The following RPAP1 variants were observed in gnomAD, a reference collection of about 807,000 sequenced individuals.
RPAP1 encodes RNA polymerase II associated protein 1.
In RPAP1, 109 loss-of-function variants were observed where a neutral mutation model predicts 142.4. That is an observed-to-expected ratio of 0.77 (90% CI 0.66 to 0.90). The LOEUF is 0.90. Ranked by LOEUF, RPAP1 falls within the 40% of genes least tolerant of loss-of-function variation. The probability of loss-of-function intolerance (pLI) is 0.00; values close to 1 mark genes in which losing one functional copy is unlikely to be tolerated. For missense variants in RPAP1, 1,546 were observed against 1,751.7 expected (o/e 0.88, Z 2.10); for synonymous variants, 704 against 738.9 (o/e 0.95, Z 0.77).
intron 14 of RPAP1, among the ~76,000 whole-genome samples, chr15:41,525,654 T>A (rs959723951): frequency 1.4e-5 from 2 of 147,712 alleles, no homozygotes; most frequent in Admixed American, 6.8e-5. Context: ...TTTTTTTATT[T>A]TTATTATTAT....
chr15:41,536,673 G>A (rs751355152), intron 2 of RPAP1, 24 bp from the exon 3 acceptor site: 15 of 1,610,756 alleles, frequency 9.3e-6, no homozygotes, highest in Admixed American at 3.3e-5. Context: ...GATCCCAAAC[G>A]TGAGTATATG....
intron 22 of RPAP1, chr15:41,519,797 C>T (rs1228244082): frequency 6.5e-6 from 1 of 153,906 alleles, no homozygotes; most frequent in Admixed American, 6.4e-5. Flanking sequence ...CTGATACCAC[C>T]TAGCATCTGA....
In RPAP1 at chr15:41,528,029, T is replaced by C. The variant is rs749744326; in HGVS notation, c.1261-2A>G. On this transcript the variant is annotated splice_acceptor_variant, in intron 10 of 24. Transcript: ENST00000304330. LOFTEE classifies it high-confidence loss of function. ...GTCCCCAAACTCACCAGCCTGGGCC[T>C]GAGGGCAGGAGGGTAAAACCTTGCT... 6.2e-7 allele frequency: 1 copy of C among 1,613,598 alleles called. No individual in the cohort carries two copies. Among genetic ancestry groups the C allele is most frequent in the South Asian group, 1.1e-5 (1 of 90,980 alleles).
At chr15:41,529,347 G>A (rs1166441439) in intron 9 of RPAP1, 123 bp downstream of exon 9, 1 of 661,108 alleles carries the variant, frequency 1.5e-6, no homozygotes, top group African/African-American at 1.8e-5. Context: ...AAAAGAAACT[G>A]AATGCACAGC....
intron 6 of RPAP1, among the ~76,000 whole-genome samples, chr15:41,533,589 T>C (rs1044087991): frequency 6.6e-6 from 1 of 151,948 alleles, no homozygotes; most frequent in East Asian, 1.9e-4. Flanking sequence ...ATCCCAGCAC[T>C]TTGGGAGGCA....
chr15:41,526,848 C>T (rs1555393482), intron 14 of RPAP1, 50 bp downstream of exon 14: 1 of 1,536,882 alleles, frequency 6.5e-7, no homozygotes. Context: ...AGCTCCCAAC[C>T]CAACCCTGTC....
chr15:41,523,419 C>A, intron 17 of RPAP1, 65 bp from the exon 18 acceptor site: 1 of 1,062,716 alleles, frequency 9.4e-7, no homozygotes, highest in South Asian at 1.5e-5. Flanking sequence ...CCCTGTGTAC[C>A]CAGGCCAATG....
In RPAP1 at chr15:41,522,205, G is replaced by A. The variant is rs374429870; in HGVS notation, c.2788C>T (p.Gln930Ter). The A allele has an allele frequency of 6.2e-7, 1 of 1,614,116 alleles. No homozygotes were observed. The highest frequency in any genetic ancestry group is 1.1e-5 in the South Asian group (1 of 91,076). Residue 930 changes from glutamine (Q) to a stop codon, truncating the protein, a stop_gained, in exon 20 of 25, where the codon CAG becomes TAG. Transcript: ENST00000304330. LOFTEE classifies it high-confidence loss of function. ...GGGGCAGCCCCAGGAGCCACACACT[G>A]GAGGAAGTAATTCTGGAGTCCCGGG... The part of the protein sequence containing the change: ...AAPGLQNYFL[Q>*]CVAPGAAPHL...
chr15:41,521,220 A>G (rs1456392020), intron 21 of RPAP1, 73 bp from the exon 22 acceptor site: 15 of 1,448,262 alleles, frequency 1.0e-5, no homozygotes, highest in Non-Finnish European at 1.4e-5. Context: ...GCTCTTTGGA[A>G]CTTCCTGGAG....
intron 1 of RPAP1, among the ~76,000 whole-genome samples, chr15:41,541,350 G>A (rs773407070): frequency 7.3e-5 from 11 of 151,440 alleles, no homozygotes; most frequent in Non-Finnish European, 1.3e-4. Context: ...TTGAACCCAG[G>A]AGGTGGAGGT....
chr15:41,542,750 A>G (rs2140795963), intron 1 of RPAP1, among the ~76,000 whole-genome samples: 1 of 152,344 alleles, frequency 6.6e-6, no homozygotes, highest in East Asian at 1.9e-4. Flanking sequence ...AATTAATTAT[A>G]TATATGTAAG....
chr15:41,519,704 T>C (rs2051703845), intron 22 of RPAP1: 1 of 152,344 alleles, frequency 6.6e-6, no homozygotes, highest in African/African-American at 2.4e-5. Flanking sequence ...CCTCACCAAT[T>C]CAAATTCTAC....
intron 1 of RPAP1, among the ~76,000 whole-genome samples, chr15:41,539,196 C>A (rs1035975618): frequency 1.1e-4 from 16 of 151,948 alleles, no homozygotes; most frequent in African/African-American, 3.9e-4. Context: ...GCAACCTCTA[C>A]CTCCTGGGCT....
chr15:41,543,651 T>C (rs2051992443), intron 1 of RPAP1, among the ~76,000 whole-genome samples: 1 of 152,146 alleles, frequency 6.6e-6, no homozygotes, highest in African/African-American at 2.4e-5. Context: ...TAAATAAACC[T>C]CAGTAACAAT....
chr15:41,530,992 C>A (rs770612026), intron 7 of RPAP1, 31 bp downstream of exon 7: 1 of 1,584,864 alleles, frequency 6.3e-7, no homozygotes, highest in Non-Finnish European at 8.6e-7. Flanking sequence ...TACTTTTATC[C>A]ACCAAAATAT....
Position 41,526,884 on chromosome 15 carries a change from TGTG to T in RPAP1, c.1917+11_1917+13del. ...CCATGCATTCCCCCATCCCTTGCCC[TGTG>T]TCCTGCTCACCAGCCGGGCAGCAAT... On this transcript the variant is annotated intron_variant, in intron 14 of 24. Transcript: ENST00000304330. 6.2e-7 allele frequency: 1 copy of T among 1,601,058 alleles called. No homozygotes were observed. The highest frequency in any genetic ancestry group is 8.5e-7 in the Non-Finnish European group (1 of 1,170,984).
At chr15:41,531,600 C>CACACATATATATATATATATAT (rs1420926148) in intron 6 of RPAP1, among the ~76,000 whole-genome samples, 1 of 67,642 alleles carries the variant, frequency 1.5e-5, no homozygotes, top group African/African-American at 5.2e-5. Flanking sequence ...TGCACACACA[C>CACACATATATATATATATATAT]ATATATATAT....
At chr15:41,518,242 G>T (rs934200271) in intron 22 of RPAP1, 60 bp from the exon 23 acceptor site, 2 of 1,404,590 alleles carry the variant, frequency 1.4e-6, no homozygotes, top group African/African-American at 1.4e-5. Context: ...CATACATAAG[G>T]TGTGTGGATA....
chr15:41,543,210 T>G (rs2051988228), intron 1 of RPAP1, among the ~76,000 whole-genome samples: 1 of 144,736 alleles, frequency 6.9e-6, no homozygotes, highest in Admixed American at 6.9e-5. Context: ...CCTTTTTTTT[T>G]TTTTTTTTTT....
Sources: allele counts gnomAD v4.1 joint callset (sites outside exome capture counted in the v4.1 genomes callset), GRCh38; gene constraint gnomAD v4.1.1; transcripts MANE v1.5; gene names NCBI Gene and HGNC (gene_info 2026-07-23, HGNC 2026-07-21).